Variants in DCAF13 observed in about 807,000 individuals in gnomAD.
DCAF13 encodes the protein DDB1 and CUL4 associated factor 13.
DCAF13 carries 38 observed loss-of-function variants against 59.0 expected under a neutral mutation model. The ratio of observed to expected loss-of-function variants is 0.64; its 90% CI spans 0.50 to 0.84. DCAF13 has a LOEUF of 0.84. Among genes scored for constraint, DCAF13 ranks in the 40% least tolerant of loss-of-function variants. The pLI is 0.00. For missense variants in DCAF13, 469 were observed against 558.4 expected (o/e 0.84, Z 1.61); for synonymous variants, 173 against 175.0 (o/e 0.99, Z 0.09).
At chr8:103,419,324 A>G (rs973602417) in intron 1 of DCAF13, among the ~76,000 whole-genome samples, 1 of 152,194 alleles carries the variant, frequency 6.6e-6, no homozygotes, top group African/African-American at 2.4e-5. Flanking sequence ...TTTATGCCTC[A>G]GTTTTCCCAT....
At position 103,420,440 on chromosome 8, in the gene DCAF13, CT is replaced by C. The variant is rs1816707345; in HGVS notation, c.250del (p.Ser84LeufsTer13). ...AKHPEKLATVLSGACDGEVRI... is the reference protein window; with the variant it reads ...AKHPEKLATVXSGACDGEVRI... Reference sequence around the variant, plus strand: ...GCATCCAGAGAAGCTGGCTACTGTCCTTTCTGGGGCGTGTGATGGAGAGGCA... The same window carrying C: ...GCATCCAGAGAAGCTGGCTACTGTCCTTCTGGGGCGTGTGATGGAGAGGCA... On this transcript the variant is annotated frameshift_variant, in exon 2 of 11. Coordinates refer to ENST00000612750, the MANE Select transcript of DCAF13 (RefSeq NM_015420.7). LOFTEE classifies it high-confidence loss of function. 1 of 1,613,678 alleles carries C rather than the reference CT, an allele frequency of 6.2e-7. No homozygotes were observed. The highest frequency in any genetic ancestry group is 1.7e-5 in the Admixed American group (1 of 59,972).
chr8:103,432,022 C>T (rs923881203), intron 6 of DCAF13, among the ~76,000 whole-genome samples: 1 of 152,174 alleles, frequency 6.6e-6, no homozygotes, highest in African/African-American at 2.4e-5. Context: ...TTGTTAGACA[C>T]TGCTACTTTC....
chr8:103,422,584 C>T (rs1563502619), intron 3 of DCAF13, among the ~76,000 whole-genome samples: 1 of 152,080 alleles, frequency 6.6e-6, no homozygotes, highest in Non-Finnish European at 1.5e-5. Flanking sequence ...CTGAGGAAAA[C>T]ATTTTAGAAA....
intron 6 of DCAF13, among the ~76,000 whole-genome samples, chr8:103,432,126 C>G (rs73287968): frequency 6.6e-6 from 1 of 152,152 alleles, no homozygotes; most frequent in African/African-American, 2.4e-5. Context: ...TTGTAGTCCC[C>G]TACCAGGTAC....
rs1816880158 is a variant in DCAF13 at position 103,432,548 on chromosome 8, C to G, written c.703-111C>G. On this transcript the variant is annotated intron_variant, in intron 6 of 10. Coordinates refer to ENST00000612750, the MANE Select transcript of DCAF13 (RefSeq NM_015420.7). ...TACTGATTGATTTCTCTTCCCATTG[C>G]ACTGAGCTGAGTACTTTACACATAA... 3 of 537,670 alleles carry G rather than the reference C, an allele frequency of 5.6e-6. No individual in the cohort carries two copies. The Admixed American group carries it at 8.7e-5, about 16-fold the overall frequency. The allele number at this position is 537,670 out of a possible 1,614,324, so 33.3% of individuals were successfully genotyped here. A position where few individuals can be genotyped will look rare whatever the true frequency, so the allele number is the denominator to read the frequency against.
chr8:103,424,179 C>T (rs568313524), intron 3 of DCAF13, among the ~76,000 whole-genome samples: 5 of 152,158 alleles, frequency 3.3e-5, no homozygotes, highest in East Asian at 1.9e-4. Context: ...CCACCACTCC[C>T]GGCTAATTTT....
intron 9 of DCAF13, 134 bp from the exon 10 acceptor site, chr8:103,441,315 GTAAAGT>G: frequency 1.5e-6 from 1 of 678,804 alleles, no homozygotes. Context: ...ATATAACCTT[GTAAAGT>G]GCAGAATTAC....
At chr8:103,424,594 C>G (rs1394067472) in intron 3 of DCAF13, among the ~76,000 whole-genome samples, 3 of 152,176 alleles carry the variant, frequency 2.0e-5, no homozygotes, top group African/African-American at 7.2e-5. Flanking sequence ...GAAAACCCTT[C>G]CCAGAATTGG....
At chr8:103,421,602 A>T (rs1422408974) in intron 3 of DCAF13, among the ~76,000 whole-genome samples, 1 of 152,212 alleles carries the variant, frequency 6.6e-6, no homozygotes, top group East Asian at 1.9e-4. Context: ...CTGTCCCCTC[A>T]GTCCCCAACC....
At chr8:103,433,524 A>G (rs1339642257) in intron 7 of DCAF13, among the ~76,000 whole-genome samples, 3 of 151,974 alleles carry the variant, frequency 2.0e-5, no homozygotes, top group Admixed American at 2.0e-4. Flanking sequence ...TTGTTGGTGG[A>G]TTGAACTTTA....
In DCAF13 at chr8:103,418,848, A is replaced by ATT. The variant is rs1563724007; in HGVS notation, c.71-1415_71-1414insTT. On this transcript the variant is annotated intron_variant, in intron 1 of 10. Transcript: ENST00000612750. The stretch of plus-strand genomic sequence containing the variant: ...ATTATATATATATATATATATATAT[A>ATT]TATATATATATATATATATTTTTTT... Among the ~76,000 whole-genome samples, 44 of 16,928 alleles carry ATT rather than the reference A, an allele frequency of 2.6e-3. 1 individual carries two copies. Among genetic ancestry groups the ATT allele is most frequent in the African/African-American group, 0.011 (37 of 3,518 alleles). 11.1% of individuals were successfully genotyped at this position (16,928 alleles called of 152,430 possible).
chr8:103,435,760 G>A lies in DCAF13; in HGVS notation c.920G>A (p.Arg307Gln), dbSNP rs1425272025. 6.2e-6 allele frequency: 10 copies of A among 1,613,386 alleles called. No individual in the cohort carries two copies. The highest frequency in any genetic ancestry group is 5.3e-5 in the African/African-American group (4 of 74,840). ...FVSASFDKSI[R>Q]IFPVDKSRSR... ...TCTGCTAGTTTCGATAAATCTATTC[G>A]AATCTTTCCTGTAGACAAAAGTCGA... The change falls in exon 8 of 11, where the codon CGA (arginine) becomes CAA (glutamine). Residue 307 changes from arginine to glutamine, a missense_variant. Around this residue, in one of 3 missense-constraint regions of DCAF13, gnomAD observed 355 missense variants for 399.1 expected, o/e 0.89. Transcript: ENST00000612750.
At chr8:103,442,731 TG>T in intron 10 of DCAF13, 63 bp from the exon 11 acceptor site, 1 of 1,136,120 alleles carries the variant, frequency 8.8e-7, no homozygotes, top group Non-Finnish European at 1.2e-6. Flanking sequence ...TTGATTTTTC[TG>T]AGAAAGTTTT....
Position 103,432,741 on chromosome 8 carries a change from A to T in DCAF13, c.785A>T (p.Asn262Ile), listed in dbSNP as rs566111711. The change falls in exon 7 of 11, where the codon AAC becomes ATC. Residue 262 changes from asparagine (N) to isoleucine (I), a missense_variant and splice_region_variant. Asn to Ile is a moderately radical substitution (Grantham distance 149). Around this residue, in one of 3 missense-constraint regions of DCAF13, gnomAD observed 355 missense variants for 399.1 expected, o/e 0.89. Coordinates refer to ENST00000612750, the MANE Select transcript of DCAF13 (RefSeq NM_015420.7). ...FIFTAANEDY[N>I]LYTFDMRALD... ...TTTACAGCAGCAAATGAAGATTATA[A>T]GTAAGTTTCCCTCTTTTAAAAACTT... The T allele has an allele frequency of 1.0e-5, 16 of 1,580,718 alleles. No homozygotes were observed. The highest frequency in any genetic ancestry group is 1.3e-5 in the African/African-American group (1 of 74,182).
At chr8:103,423,675 C>G (rs1816752287) in intron 3 of DCAF13, among the ~76,000 whole-genome samples, 1 of 152,152 alleles carries the variant, frequency 6.6e-6, no homozygotes, top group African/African-American at 2.4e-5. Flanking sequence ...TAAATGTTCT[C>G]ACCACAAAAT....
rs2130498481 is a variant in DCAF13 at position 103,440,488 on chromosome 8, G to T, written c.1086+217G>T. 3 of 342,522 alleles carry T rather than the reference G, an allele frequency of 8.8e-6. No homozygotes were observed. In the East Asian group the frequency reaches 1.4e-4, roughly 16 times the overall value. 21.2% of individuals were successfully genotyped at this position (342,522 alleles called of 1,614,324 possible). On this transcript the variant is annotated intron_variant, in intron 9 of 10. Transcript: ENST00000612750. Reference sequence around the variant, plus strand: ...ACTGTACATTCAAATTGACATTTAAGACCTTCAGAATGCCTTTGTTAATTC... The same window carrying T: ...ACTGTACATTCAAATTGACATTTAATACCTTCAGAATGCCTTTGTTAATTC...
intron 3 of DCAF13, among the ~76,000 whole-genome samples, chr8:103,425,050 G>A (rs556267025): frequency 6.6e-6 from 1 of 152,272 alleles, no homozygotes; most frequent in East Asian, 1.9e-4. Context: ...CATGGGCACT[G>A]TAAACTGTTT....
At chr8:103,428,675 A>G (rs565608903) in intron 5 of DCAF13, 1 of 152,194 alleles carries the variant, frequency 6.6e-6, no homozygotes, top group South Asian at 2.1e-4. Context: ...TAAAAGTGCT[A>G]TCCAAATTCA....
intron 7 of DCAF13, among the ~76,000 whole-genome samples, chr8:103,433,533 T>C (rs929650699): frequency 1.3e-5 from 2 of 152,122 alleles, no homozygotes; most frequent in Non-Finnish European, 2.9e-5. Flanking sequence ...GATTGAACTT[T>C]AGATCTTTGT....
Sources: allele counts gnomAD v4.1 joint callset (sites outside exome capture counted in the v4.1 genomes callset), GRCh38; gene constraint gnomAD v4.1.1; regional missense constraint gnomAD v4.1.1; transcripts MANE v1.5; gene names NCBI Gene and HGNC (gene_info 2026-07-23, HGNC 2026-07-21).